The following ASXL1 variants were observed in gnomAD, a reference collection of about 807,000 sequenced individuals.
The protein encoded by ASXL1 is ASXL transcriptional regulator 1.
In ASXL1, 65 loss-of-function variants were observed where a neutral mutation model predicts 89.1. The ratio of observed to expected loss-of-function variants is 0.73; its 90% CI spans 0.60 to 0.90. The LOEUF (loss-of-function observed/expected upper bound fraction) is 0.90, where lower values mean the gene tolerates loss of function less well. Ranked by LOEUF, ASXL1 falls within the 40% of genes least tolerant of loss-of-function variation. The pLI is 0.00. For synonymous variants in ASXL1, 739 were observed against 746.9 expected (o/e 0.99, Z 0.17); for missense variants, 1,786 against 1,942.9 (o/e 0.92, Z 1.52).
At chr20:32,359,321 C>T (rs1302979096) in intron 1 of ASXL1, 1 of 702,444 alleles carries the variant, frequency 1.4e-6, no homozygotes. Flanking sequence ...TTGAGCTTTC[C>T]CAATCTAAAC....
chr20:32,386,019 C>T (rs530072141), intron 4 of ASXL1, among the ~76,000 whole-genome samples: 79 of 152,218 alleles, frequency 5.2e-4, no homozygotes, highest in Non-Finnish European at 4.4e-4. Context: ...GAGGATCCTT[C>T]ATTTATCTCT....
chr20:32,384,061 T>A (rs1042044041), intron 4 of ASXL1, among the ~76,000 whole-genome samples: 4 of 152,154 alleles, frequency 2.6e-5, no homozygotes, highest in Admixed American at 6.5e-5. Context: ...TTTCCTATTT[T>A]GTGAGGCATT....
At chr20:32,406,554 T>C (rs979053003) in intron 4 of ASXL1, among the ~76,000 whole-genome samples, 5 of 152,070 alleles carry the variant, frequency 3.3e-5, no homozygotes, top group Admixed American at 1.3e-4. Flanking sequence ...CTGTCTCAAA[T>C]CTATTCCCTA....
rs1357226830 is a variant in ASXL1, at chr20:32,437,348, G to A, written c.*10G>A. The A allele has an allele frequency of 1.2e-6, 2 of 1,612,898 alleles. No homozygotes were observed. Among genetic ancestry groups the A allele is most frequent in the Admixed American group, 1.7e-5 (1 of 60,008 alleles). On this transcript the variant is annotated 3_prime_UTR_variant, in exon 13 of 13. Transcript: ENST00000375687. Reference sequence around the variant, plus strand: ...CCTTGTGGTGAGATAATAAATTATGGCCATGGGAAACATTGTATATTTAGT... The same window carrying A: ...CCTTGTGGTGAGATAATAAATTATGACCATGGGAAACATTGTATATTTAGT...
intron 2 of ASXL1, among the ~76,000 whole-genome samples, chr20:32,366,972 G>A (rs1569239826): frequency 1.3e-5 from 2 of 151,836 alleles, no homozygotes; most frequent in Non-Finnish European, 2.9e-5. Flanking sequence ...CCAAATTTAT[G>A]GTGTAGTTTT....
chr20:32,381,494 T>C (rs1353803273), intron 4 of ASXL1, among the ~76,000 whole-genome samples: 2 of 150,554 alleles, frequency 1.3e-5, no homozygotes, highest in Non-Finnish European at 3.0e-5. Context: ...GAGCCACTGG[T>C]CCAGCCTCTT....
chr20:32,382,369 C>T (rs746490606), intron 4 of ASXL1, among the ~76,000 whole-genome samples: 1 of 151,714 alleles, frequency 6.6e-6, no homozygotes, highest in Non-Finnish European at 1.5e-5. Context: ...TAATCTGGTT[C>T]GTTGTAATTG....
intron 1 of ASXL1, chr20:32,359,288 C>T (rs1378232911): frequency 1.4e-6 from 1 of 702,582 alleles, no homozygotes; most frequent in Admixed American, 2.0e-5. Context: ...AGCGACCCCA[C>T]ATTCAAGGAC....
intron 1 of ASXL1, among the ~76,000 whole-genome samples, chr20:32,361,278 T>A (rs895088244): frequency 2.0e-5 from 3 of 152,130 alleles, no homozygotes; most frequent in African/African-American, 7.2e-5. Context: ...AGTTGGAGGC[T>A]GCAGTGCCCA....
intron 4 of ASXL1, 192 bp from the exon 5 acceptor site, chr20:32,427,936 A>G (rs2011375865): frequency 3.9e-6 from 3 of 759,598 alleles, no homozygotes; most frequent in East Asian, 3.0e-5. Flanking sequence ...TTTGAATGCA[A>G]AAGTGTATCT....
At chr20:32,359,889 T>A (rs189566629) in intron 1 of ASXL1, 2 of 715,108 alleles carry the variant, frequency 2.8e-6, no homozygotes, top group South Asian at 3.0e-5. Context: ...CAGGTTATAC[T>A]AAGATGTCAG....
At chr20:32,374,200 A>G (rs895362022) in intron 4 of ASXL1, among the ~76,000 whole-genome samples, 3 of 151,938 alleles carry the variant, frequency 2.0e-5, no homozygotes, top group Non-Finnish European at 4.4e-5. Context: ...TTGAGGTGGG[A>G]ATTCACTAGT....
intron 1 of ASXL1, chr20:32,359,115 A>T (rs901799101): frequency 1.3e-4 from 78 of 612,170 alleles, no homozygotes; most frequent in Non-Finnish European, 2.0e-4. Flanking sequence ...CACTCTGGGC[A>T]GCGGGGTCCC....
chr20:32,432,587 C>G (rs2123245389), intron 10 of ASXL1: 1 of 379,410 alleles, frequency 2.6e-6, no homozygotes, highest in South Asian at 2.3e-5. Flanking sequence ...GTAGGCCTTT[C>G]TAAGAGTAAA....
intron 4 of ASXL1, among the ~76,000 whole-genome samples, chr20:32,425,404 T>G (rs2011246249): frequency 6.6e-6 from 1 of 152,224 alleles, no homozygotes; most frequent in East Asian, 1.9e-4. Flanking sequence ...GTTTGTATCT[T>G]CAACTGTACC....
At chr20:32,389,015 A>T (rs1045752938) in intron 4 of ASXL1, among the ~76,000 whole-genome samples, 2 of 151,650 alleles carry the variant, frequency 1.3e-5, no homozygotes, top group African/African-American at 2.4e-5. Context: ...TTATTTATTT[A>T]TTTTCCCCCA....
At chr20:32,406,586 A>G (rs2048959657) in intron 4 of ASXL1, among the ~76,000 whole-genome samples, 1 of 152,022 alleles carries the variant, frequency 6.6e-6, no homozygotes, top group South Asian at 2.1e-4. Flanking sequence ...TAATTATTTA[A>G]TCACCCACTC....
At chr20:32,415,845 A>G (rs2049129323) in intron 4 of ASXL1, among the ~76,000 whole-genome samples, 2 of 152,196 alleles carry the variant, frequency 1.3e-5, no homozygotes. Context: ...CCTCAGGAAG[A>G]TGCAAAGAAG....
Position 32,436,651 on chromosome 20 carries a change from C to T in ASXL1, c.3939C>T (p.Thr1313=), listed in dbSNP as rs2011909601. The T allele has an allele frequency of 3.7e-6, 6 of 1,614,008 alleles. No homozygotes were observed. The highest frequency in any genetic ancestry group is 5.1e-6 in the Non-Finnish European group (6 of 1,180,026). ...KLFGSGNVAA[T]LQRPRPADPM... is the part of the protein sequence containing the mutation. ...TTGGCTCTGGGAATGTGGCTGCAACCCTTCAGCGCCCCAGGCCTGCGGACC... is the reference window on the plus strand; with the variant it reads ...TTGGCTCTGGGAATGTGGCTGCAACTCTTCAGCGCCCCAGGCCTGCGGACC... The change falls in exon 13 of 13, where the codon ACC becomes ACT. Residue 1313 remains threonine (T), a synonymous_variant. Coordinates refer to ENST00000375687, the MANE Select transcript of ASXL1 (RefSeq NM_015338.6).
Sources: gnomAD v4.1 joint callset for allele counts (sites outside exome capture counted in the v4.1 genomes callset) on GRCh38, gnomAD v4.1.1 for gene constraint, MANE v1.5 for transcripts, NCBI Gene and HGNC (gene_info 2026-07-23, HGNC 2026-07-21) for gene names.